ATR: variants seen among roughly 807,000 people sequenced by gnomAD.
ATR encodes serine/threonine-protein kinase ATR.
A neutral mutation model predicts 305.3 loss-of-function variants in ATR; 142 were observed. The observed-to-expected ratio is 0.47, with a 90% confidence interval of 0.41 to 0.53. ATR has a LOEUF of 0.53. ATR is among the 20% of genes least tolerant of loss of function. The pLI is 0.00. For missense variants in ATR, 2,135 were observed against 3,133.1 expected (o/e 0.68, Z 7.60); for synonymous variants, 1,050 against 1,068.1 (o/e 0.98, Z 0.33).
intron 45 of ATR, among the ~76,000 whole-genome samples, chr3:142,454,566 C>G (rs1037486844): frequency 9.9e-5 from 15 of 151,064 alleles, no homozygotes; most frequent in Non-Finnish European, 1.6e-4. Flanking sequence ...CTCAGCCTCC[C>G]GAGTAGCTGG....
intron 46 of ATR, chr3:142,452,713 A>G (rs1442262856): frequency 9.4e-7 from 1 of 1,065,366 alleles, no homozygotes; most frequent in East Asian, 8.2e-5. Context: ...CAACAACAAC[A>G]AAACTATCTG....
chr3:142,476,143 G>C (rs2071438604), intron 36 of ATR, among the ~76,000 whole-genome samples: 1 of 152,052 alleles, frequency 6.6e-6, no homozygotes, highest in South Asian at 2.1e-4. Flanking sequence ...CATTGCTTTT[G>C]GTGTTTTAGA....
intron 24 of ATR, among the ~76,000 whole-genome samples, chr3:142,515,903 T>C (rs1418700089): frequency 6.6e-6 from 1 of 152,176 alleles, no homozygotes; most frequent in Non-Finnish European, 1.5e-5. Context: ...TTCCCAGTGT[T>C]ATTATCATCC....
chr3:142,571,672 T>C (rs1485687009), intron 1 of ATR, among the ~76,000 whole-genome samples: 5 of 152,210 alleles, frequency 3.3e-5, no homozygotes, highest in Non-Finnish European at 7.3e-5. Context: ...ATATATTTCA[T>C]ATATGTCACA....
At chr3:142,512,594 T>C (rs959888768) in intron 26 of ATR, 124 bp from the exon 27 acceptor site, 1 of 762,568 alleles carries the variant, frequency 1.3e-6, no homozygotes, top group South Asian at 2.7e-5. Context: ...TGGCCAGGCA[T>C]GTTGGCCTGT....
intron 36 of ATR, among the ~76,000 whole-genome samples, chr3:142,476,890 CTGTT>C (rs1187148482): frequency 6.6e-5 from 10 of 152,076 alleles, no homozygotes; most frequent in East Asian, 3.9e-4. Flanking sequence ...ATTTGGGTCT[CTGTT>C]TGTCTGTTAT....
intron 1 of ATR, among the ~76,000 whole-genome samples, chr3:142,577,864 T>C (rs572961134): frequency 6.6e-6 from 1 of 152,364 alleles, no homozygotes; most frequent in Admixed American, 6.5e-5. Context: ...AGCCTGCCTG[T>C]GTATTGAAGA....
intron 21 of ATR, among the ~76,000 whole-genome samples, chr3:142,531,773 T>C (rs1312292285): frequency 6.6e-6 from 1 of 152,228 alleles, no homozygotes; most frequent in Non-Finnish European, 1.5e-5. Flanking sequence ...ATATACCCAG[T>C]AATGGGATGG....
At chr3:142,563,964 T>C (rs1197920974) in intron 3 of ATR, among the ~76,000 whole-genome samples, 1 of 152,060 alleles carries the variant, frequency 6.6e-6, no homozygotes, top group East Asian at 1.9e-4. Flanking sequence ...AAATTTCCAG[T>C]AGGAAAAAAA....
intron 22 of ATR, 62 bp downstream of exon 22, chr3:142,523,931 G>T (rs2033261093): frequency 6.6e-7 from 1 of 1,512,046 alleles, no homozygotes. Context: ...CTTTGTAAAT[G>T]AAATATATAA....
At chr3:142,487,053 A>AC (rs1319853870) in intron 35 of ATR, among the ~76,000 whole-genome samples, 2 of 151,852 alleles carry the variant, frequency 1.3e-5, no homozygotes, top group Non-Finnish European at 2.9e-5. Flanking sequence ...ACTGGCCTGA[A>AC]CCTGGGAGGC....
At chr3:142,502,468 G>T (rs2032022569) in intron 30 of ATR, among the ~76,000 whole-genome samples, 1 of 151,506 alleles carries the variant, frequency 6.6e-6, no homozygotes, top group South Asian at 2.1e-4. Flanking sequence ...ACTACAAGGG[G>T]TGGGGGAGGG....
chr3:142,543,057 A>G (rs1278698338), intron 16 of ATR, among the ~76,000 whole-genome samples: 3 of 152,292 alleles, frequency 2.0e-5, no homozygotes, highest in African/African-American at 7.2e-5. Context: ...TGGGATCCTC[A>G]GGATCTAATT....
intron 21 of ATR, among the ~76,000 whole-genome samples, chr3:142,531,764 T>C (rs1577646121): frequency 1.3e-5 from 2 of 152,356 alleles, no homozygotes; most frequent in Non-Finnish European, 2.9e-5. Context: ...CCTTTGGGTA[T>C]ATACCCAGTA....
intron 1 of ATR, among the ~76,000 whole-genome samples, chr3:142,568,556 T>C (rs560074540): frequency 4.6e-5 from 7 of 152,246 alleles, no homozygotes; most frequent in Non-Finnish European, 1.0e-4. Context: ...CCCGCCCCCT[T>C]CTGAGGTGCA....
At chr3:142,556,287 A>G in intron 9 of ATR, 96 bp downstream of exon 9, 1 of 1,487,332 alleles carries the variant, frequency 6.7e-7, no homozygotes, top group Non-Finnish European at 9.2e-7. Context: ...CATTTGCTTT[A>G]CATATTCAAC....
chr3:142,460,655 T>C (rs6780250), intron 42 of ATR, among the ~76,000 whole-genome samples: 99,400 of 152,002 alleles, frequency 0.65, 34,357 homozygotes, highest in African/African-American at 0.9. Context: ...TTAAACTCGC[T>C]TAGTTTGCAG....
chr3:142,468,621 A>G (rs574794324), intron 38 of ATR, among the ~76,000 whole-genome samples: 2 of 152,224 alleles, frequency 1.3e-5, no homozygotes, highest in East Asian at 3.9e-4. Flanking sequence ...AATTCTCTAA[A>G]CATTTACTTA....
rs758877777 is a variant in ATR at position 142,549,590 on chromosome 3, T to C, written c.3060A>G (p.Gln1020=). The C allele has an allele frequency of 1.9e-6, 3 of 1,613,432 alleles. No individual in the cohort carries two copies. The highest frequency in any genetic ancestry group is 2.5e-6 in the Non-Finnish European group (3 of 1,179,618). Residue 1020 remains glutamine, a synonymous_variant, in exon 15 of 47, where the codon CAA becomes CAG. Transcript: ENST00000350721. The part of the protein sequence containing the change: ...ASALIRTLGK[Q]LNVNRREILI... Reference sequence around the variant, plus strand: ...AAATCTCTCTACGATTGACATTTAATTGTTTTCCTAAAGTTCGAATGAGAG... The same window carrying C: ...AAATCTCTCTACGATTGACATTTAACTGTTTTCCTAAAGTTCGAATGAGAG...
Sources: allele counts gnomAD v4.1 joint callset (sites outside exome capture counted in the v4.1 genomes callset), GRCh38; gene constraint gnomAD v4.1.1; transcripts MANE v1.5; gene names NCBI Gene and HGNC (gene_info 2026-07-23, HGNC 2026-07-21).